ETV5: variants seen among roughly 807,000 people sequenced by gnomAD.
ETV5 encodes ETS translocation variant 5.
In ETV5, 10 loss-of-function variants were observed where a neutral mutation model predicts 70.0. The ratio of observed to expected loss-of-function variants is 0.14; its 90% CI spans 0.09 to 0.24. The LOEUF is 0.24. Among genes scored for constraint, ETV5 ranks in the 10% least tolerant of loss-of-function variants. The pLI is 1.00. For missense variants in ETV5, 453 were observed against 651.2 expected, an observed-to-expected ratio of 0.70 and a Z score of 3.31; for synonymous variants, 216 against 242.2, an observed-to-expected ratio of 0.89 and a Z score of 1.01.
chr3:186,080,475 C>T (rs1206582645), intron 6 of ETV5: 1 of 240,462 alleles, frequency 4.2e-6, no homozygotes, highest in African/African-American at 2.2e-5. Flanking sequence ...TCCAGGGTTC[C>T]CAGGAATTAG....
At position 186,057,546 on chromosome 3, in the gene ETV5, T is replaced by C. The variant is rs531961864; in HGVS notation, c.971-55A>G. 1.4e-6 allele frequency: 2 copies of C among 1,432,100 alleles called. No individual in the cohort carries two copies. The highest frequency in any genetic ancestry group is 2.8e-5 in the African/African-American group (2 of 71,420). 88.7% of individuals were successfully genotyped at this position (1,432,100 alleles called of 1,614,324 possible). A position where few individuals can be genotyped will look rare whatever the true frequency, so the allele number is the denominator to read the frequency against. On this transcript the variant is annotated intron_variant, in intron 9 of 12. Transcript: ENST00000306376. This position sits in a 1 kb window ranked among gnomAD's most constrained non-coding sequence, Gnocchi z 4.9. ...TTGCTTAACAAATTCTGTGTTGTAC[T>C]AAAACTATGGATTTAAGGACTAGAG...
In ETV5 at chr3:186,048,420, G is replaced by A; in HGVS notation, c.*219C>T. 5.3e-6 allele frequency: 3 copies of A among 568,706 alleles called. No individual in the cohort carries two copies. In the South Asian group the frequency reaches 6.2e-5, roughly 12 times the overall value. 35.2% of individuals were successfully genotyped at this position (568,706 alleles called of 1,614,324 possible). On this transcript the variant is annotated 3_prime_UTR_variant, in exon 13 of 13. Coordinates refer to ENST00000306376, the MANE Select transcript of ETV5 (RefSeq NM_004454.3). ...AACCTCATCAGAATCAAGAGTTGAG[G>A]CACTGGCCTTTTGGTGGTTTTCTGC...
intron 5 of ETV5, among the ~76,000 whole-genome samples, chr3:186,098,982 T>C (rs998402488): frequency 1.3e-5 from 2 of 152,210 alleles, no homozygotes; most frequent in African/African-American, 2.4e-5. Flanking sequence ...TCCTGGCCTT[T>C]TAATAACTAG....
chr3:186,081,909 G>A (rs1054548780), intron 5 of ETV5, among the ~76,000 whole-genome samples: 3 of 152,154 alleles, frequency 2.0e-5, no homozygotes, highest in Admixed American at 2.0e-4. Context: ...TTTCATAGAT[G>A]GTGCAGTGAA....
intron 5 of ETV5, among the ~76,000 whole-genome samples, chr3:186,099,022 T>G (rs1326422140): frequency 6.6e-6 from 1 of 152,188 alleles, no homozygotes; most frequent in Non-Finnish European, 1.5e-5. Context: ...AATCTTGCAC[T>G]CTCTGCTTCA....
At position 186,102,488 on chromosome 3, in the gene ETV5, C is replaced by T. The variant is rs556681222; in HGVS notation, c.232+2817G>A. Reference sequence around the variant, plus strand: ...TCTCTACTAAAAATACAAAAATTAGCCAGGCATGGTGGCAGGTGCCTGTAA... The same window carrying T: ...TCTCTACTAAAAATACAAAAATTAGTCAGGCATGGTGGCAGGTGCCTGTAA... On this transcript the variant is annotated intron_variant, in intron 5 of 12. Coordinates refer to ENST00000306376, the MANE Select transcript of ETV5 (RefSeq NM_004454.3). Among the ~76,000 whole-genome samples the T allele has an allele frequency of 2.6e-5, 4 of 151,954 alleles. No individual in the cohort carries two copies. In the South Asian group the frequency reaches 8.3e-4, roughly 32 times the overall value.
intron 7 of ETV5, among the ~76,000 whole-genome samples, chr3:186,070,061 C>T (rs527588869): frequency 5.6e-4 from 85 of 152,304 alleles, no homozygotes; most frequent in African/African-American, 2.0e-3. Flanking sequence ...ATCTGCTCGC[C>T]TCGGCCTCCC....
chr3:186,060,319 T>C (rs1184450400), intron 9 of ETV5, among the ~76,000 whole-genome samples: 1 of 152,234 alleles, frequency 6.6e-6, no homozygotes, highest in Non-Finnish European at 1.5e-5. Context: ...CACTGCGGTG[T>C]ATCTTGTGGT....
At chr3:186,091,051 G>T (rs1207653777) in intron 5 of ETV5, among the ~76,000 whole-genome samples, 1 of 152,164 alleles carries the variant, frequency 6.6e-6, no homozygotes. Context: ...GACTCATAGG[G>T]GACATGACAA....
At chr3:186,064,628 C>A in intron 8 of ETV5, 152 bp from the exon 9 acceptor site, 1 of 721,406 alleles carries the variant, frequency 1.4e-6, no homozygotes, top group Non-Finnish European at 2.4e-6. Context: ...AGGTGCCACA[C>A]CAATAAGCAA....
chr3:186,095,047 T>C (rs1714271643), intron 5 of ETV5: 1 of 152,228 alleles, frequency 6.6e-6, no homozygotes, highest in African/African-American at 2.4e-5. Context: ...TGAGCATTAT[T>C]TGAATCAGTG....
chr3:186,077,135 C>T (rs1713814972), intron 7 of ETV5, among the ~76,000 whole-genome samples: 1 of 152,150 alleles, frequency 6.6e-6, no homozygotes, highest in East Asian at 1.9e-4. Flanking sequence ...TGGGTTTTTT[C>T]ACTCTGCCTA....
chr3:186,085,127 AAAGGCTCAAAGTCACTTGCCACG>A (rs1714027646), intron 5 of ETV5, among the ~76,000 whole-genome samples: 1 of 77,646 alleles, frequency 1.3e-5, no homozygotes, highest in African/African-American at 9.0e-5. Context: ...CTTGCCACGT[AAAGGCTCAAAGTCACTTGCCACG>A]TCTCACAGCT....
chr3:186,079,033 A>G (rs1463984405), intron 7 of ETV5: 2 of 1,064,308 alleles, frequency 1.9e-6, no homozygotes, highest in Non-Finnish European at 2.3e-6. Flanking sequence ...ATGAAATACC[A>G]TGGCCACCAT....
chr3:186,047,759 C>T lies in ETV5; in HGVS notation c.*880G>A, dbSNP rs1168772084. The T allele has an allele frequency of 4.3e-6, 1 of 232,984 alleles. No homozygotes were observed. Among genetic ancestry groups the T allele is most frequent in the Non-Finnish European group, 8.5e-6 (1 of 117,862 alleles). 14.4% of individuals were successfully genotyped at this position (232,984 alleles called of 1,614,324 possible). A position where few individuals can be genotyped will look rare whatever the true frequency, so the allele number is the denominator to read the frequency against. ...AGTTGGCACGGCCCTGGCTAAAGGA[C>T]ACAGTGCACAGTTACCAAAAGGTTT... On this transcript the variant is annotated 3_prime_UTR_variant, in exon 13 of 13. Coordinates refer to ENST00000306376, the MANE Select transcript of ETV5 (RefSeq NM_004454.3).
chr3:186,059,926 G>A (rs1017338163), intron 9 of ETV5, among the ~76,000 whole-genome samples: 2 of 152,152 alleles, frequency 1.3e-5, no homozygotes, highest in Non-Finnish European at 2.9e-5. Flanking sequence ...AATGACTCCT[G>A]ATAAATTTAT....
chr3:186,065,370 G>T lies in ETV5; in HGVS notation c.910+443C>A, dbSNP rs965074453. On this transcript the variant is annotated intron_variant, in intron 8 of 12. Coordinates refer to ENST00000306376, the MANE Select transcript of ETV5 (RefSeq NM_004454.3). The stretch of plus-strand genomic sequence containing the variant: ...AATGCTGATGGAAATGTTTACACAC[G>T]ATCACTACCTCACACTTGGTAATTT... Among the ~76,000 whole-genome samples the T allele has an allele frequency of 5.9e-5, 9 of 152,252 alleles. No homozygotes were observed. The South Asian group carries it at 1.9e-3, about 32-fold the overall frequency.
At chr3:186,104,287 G>T (rs992739237) in intron 5 of ETV5, among the ~76,000 whole-genome samples, 1 of 152,100 alleles carries the variant, frequency 6.6e-6, no homozygotes, top group Non-Finnish European at 1.5e-5. Flanking sequence ...ACCTGTTGAG[G>T]ACAGCCCCAA....
intron 5 of ETV5, among the ~76,000 whole-genome samples, chr3:186,091,959 C>A (rs1230275960): frequency 6.6e-6 from 1 of 152,140 alleles, no homozygotes; most frequent in African/African-American, 2.4e-5. Context: ...AAGGAGACAC[C>A]TTTCTTGCTC....
Sources: allele counts gnomAD v4.1 joint callset (sites outside exome capture counted in the v4.1 genomes callset), GRCh38; gene constraint gnomAD v4.1.1; non-coding constraint Gnocchi (gnomAD v3.1); transcripts MANE v1.5; gene names NCBI Gene and HGNC (gene_info 2026-07-23, HGNC 2026-07-21).